The following KIF6 variants were observed in gnomAD, a reference collection of about 807,000 sequenced individuals.
The protein encoded by KIF6 is kinesin-like protein KIF6.
KIF6 carries 106 observed loss-of-function variants against 112.7 expected under a neutral mutation model. The observed-to-expected ratio is 0.94, with a 90% confidence interval of 0.80 to 1.11. The LOEUF (loss-of-function observed/expected upper bound fraction) is 1.11, where lower values mean the gene tolerates loss of function less well. KIF6 is among the 50% of genes least tolerant of loss of function. The pLI, the probability that KIF6 is intolerant of heterozygous loss-of-function variation, is 0.00. For missense variants in KIF6, 929 were observed against 964.0 expected (o/e 0.96, Z 0.48); for synonymous variants, 339 against 339.9 (o/e 1.00, Z 0.03).
At chr6:39,641,450 A>C (rs1409826842) in intron 3 of KIF6, among the ~76,000 whole-genome samples, 1 of 151,780 alleles carries the variant, frequency 6.6e-6, no homozygotes, top group Non-Finnish European at 1.5e-5. Flanking sequence ...ACATGAGAAC[A>C]CATGGACACA....
chr6:39,643,828 A>G (rs1472844519), intron 3 of KIF6, among the ~76,000 whole-genome samples: 2 of 152,186 alleles, frequency 1.3e-5, no homozygotes, highest in African/African-American at 4.8e-5. Flanking sequence ...GCTGCACTTC[A>G]TCAAAATTAA....
At chr6:39,717,779 A>G (rs1789948493) in intron 2 of KIF6, among the ~76,000 whole-genome samples, 1 of 152,206 alleles carries the variant, frequency 6.6e-6, no homozygotes, top group Non-Finnish European at 1.5e-5. Context: ...ACAGCCTTTA[A>G]AATGCTTAAA....
At chr6:39,473,343 C>T (rs997514493) in intron 13 of KIF6, among the ~76,000 whole-genome samples, 6 of 152,062 alleles carry the variant, frequency 3.9e-5, no homozygotes, top group Admixed American at 2.0e-4. Context: ...TGAACATGTG[C>T]GACAAAACCT....
intron 1 of KIF6, among the ~76,000 whole-genome samples, chr6:39,723,529 G>C (rs552175204): frequency 6.6e-6 from 1 of 152,276 alleles, no homozygotes; most frequent in African/African-American, 2.4e-5. Flanking sequence ...AGAAAATGTG[G>C]TACATATATA....
chr6:39,427,357 T>G (rs776723878), intron 14 of KIF6, among the ~76,000 whole-genome samples: 7 of 152,222 alleles, frequency 4.6e-5, no homozygotes, highest in Admixed American at 1.3e-4. Flanking sequence ...TTGATGTCTG[T>G]TGTTGAAACC....
chr6:39,481,415 T>C (rs185915389), intron 13 of KIF6, among the ~76,000 whole-genome samples: 50 of 152,346 alleles, frequency 3.3e-4, no homozygotes, highest in African/African-American at 9.6e-4. Context: ...AGGAAAGATA[T>C]ACATGTCCCA....
At chr6:39,564,953 G>A (rs1200232867) in intron 10 of KIF6, among the ~76,000 whole-genome samples, 1 of 152,086 alleles carries the variant, frequency 6.6e-6, no homozygotes, top group Admixed American at 6.5e-5. Flanking sequence ...CCTACACTGG[G>A]GTTCCTTAAC....
chr6:39,675,639 A>G (rs1787089535), intron 3 of KIF6, among the ~76,000 whole-genome samples: 1 of 152,158 alleles, frequency 6.6e-6, no homozygotes. Flanking sequence ...GTCAGCAGGT[A>G]TAACAAAGAG....
At chr6:39,545,508 G>A in intron 11 of KIF6, 75 bp downstream of exon 11, 1 of 950,360 alleles carries the variant, frequency 1.1e-6, no homozygotes, top group South Asian at 1.4e-5. Flanking sequence ...TCCAAGAACT[G>A]GTCAACTAGA....
In KIF6 at chr6:39,588,308, G is replaced by C. The variant is rs186464470; in HGVS notation, c.847-1904C>G. Among the ~76,000 whole-genome samples the C allele has an allele frequency of 7.6e-4, 116 of 152,198 alleles. No homozygotes were observed. The Middle Eastern group carries it at 0.01, about 13-fold the overall frequency. On this transcript the variant is annotated intron_variant, in intron 7 of 22. Transcript: ENST00000287152. ...AGCTCACTGTAGCCTTTGCCTCCTG[G>C]GTTCAAGTGAGCCTTGTGTCTCAGC...
intron 14 of KIF6, among the ~76,000 whole-genome samples, chr6:39,429,329 G>A (rs1416189562): frequency 3.3e-5 from 5 of 152,010 alleles, no homozygotes; most frequent in Non-Finnish European, 7.4e-5. Context: ...TTTTCACAGA[G>A]AAAACTTAGG....
At position 39,425,079 on chromosome 6, in the gene KIF6, A is replaced by T. The variant is rs562657487; in HGVS notation, c.1755-5076T>A. Among the ~76,000 whole-genome samples, 20 of 152,252 alleles carry T rather than the reference A, an allele frequency of 1.3e-4. No homozygotes were observed. The East Asian group carries it at 3.9e-3, about 29-fold the overall frequency. On this transcript the variant is annotated intron_variant, in intron 14 of 22. Transcript: ENST00000287152. ...ACACCATTCACTAGGGATCATGGGC[A>T]GTGGCTGCTTTTACCCATGGGCCAA...
At chr6:39,676,125 T>G (rs1787125320) in intron 3 of KIF6, among the ~76,000 whole-genome samples, 1 of 150,134 alleles carries the variant, frequency 6.7e-6, no homozygotes, top group Non-Finnish European at 1.5e-5. Flanking sequence ...TCCTCAGATT[T>G]AGGAAGCACA....
chr6:39,543,365 G>A lies in KIF6; in HGVS notation c.1426+1190C>T, dbSNP rs908354946. On this transcript the variant is annotated intron_variant, in intron 12 of 22. Coordinates refer to ENST00000287152, the MANE Select transcript of KIF6 (RefSeq NM_145027.6). ...ACCATGGGCAGCACTGACGGATGAAGGCTTGTGTGTGTGTGTGTGGGTGGG... is the reference window on the plus strand; with the variant it reads ...ACCATGGGCAGCACTGACGGATGAAAGCTTGTGTGTGTGTGTGTGGGTGGG... Among the ~76,000 whole-genome samples, 3 of 151,978 alleles carry A rather than the reference G, an allele frequency of 2.0e-5. No homozygotes were observed. In the East Asian group the frequency reaches 5.8e-4, roughly 29 times the overall value.
At position 39,720,723 on chromosome 6, in the gene KIF6, T is replaced by G. The variant is rs1285550306; in HGVS notation, c.155A>C (p.Lys52Thr). 2 of 1,596,590 alleles carry G rather than the reference T, an allele frequency of 1.3e-6. No homozygotes were observed. The highest frequency in any genetic ancestry group is 1.7e-6 in the Non-Finnish European group (2 of 1,164,802). ...RDLADGFVNNKRESYKFKFQR... is the reference protein window; with the variant it reads ...RDLADGFVNNTRESYKFKFQR... The stretch of plus-strand genomic sequence containing the variant: ...TTACTTAAATTTGTAGCTTTCTCGC[T>G]TATTATTCACAAACCCATCTGCCAA... Residue 52 changes from lysine (K) to threonine (T), a missense_variant, in exon 2 of 23, where the codon AAG (lysine) becomes ACG (threonine). By Grantham distance (78) the Lys-to-Thr change is moderately conservative. Transcript: ENST00000287152.
chr6:39,691,946 A>C (rs1240818760), intron 3 of KIF6: 1 of 152,226 alleles, frequency 6.6e-6, no homozygotes, highest in South Asian at 2.1e-4. Context: ...TACAGGATAC[A>C]TTTCTATTAA....
At chr6:39,462,858 T>C (rs1317001299) in intron 13 of KIF6, among the ~76,000 whole-genome samples, 1 of 152,126 alleles carries the variant, frequency 6.6e-6, no homozygotes, top group Non-Finnish European at 1.5e-5. Context: ...TTTTCATTAG[T>C]TGATGATTAG....
intron 15 of KIF6, among the ~76,000 whole-genome samples, chr6:39,403,230 CA>C (rs1483159489): frequency 6.6e-6 from 1 of 152,024 alleles, no homozygotes; most frequent in Non-Finnish European, 1.5e-5. Context: ...GTGTGTGCAT[CA>C]TGGGTTTGGA....
intron 3 of KIF6, among the ~76,000 whole-genome samples, chr6:39,651,410 G>C (rs774597311): frequency 6.6e-6 from 1 of 152,170 alleles, no homozygotes; most frequent in Non-Finnish European, 1.5e-5. Flanking sequence ...CAGGATGGCG[G>C]GGGAGGGTAG....
Sources: allele counts gnomAD v4.1 joint callset (sites outside exome capture counted in the v4.1 genomes callset), GRCh38; gene constraint gnomAD v4.1.1; transcripts MANE v1.5; gene names NCBI Gene and HGNC (gene_info 2026-07-23, HGNC 2026-07-21).